The following EPHA3 variants were observed in gnomAD, a reference collection of about 807,000 sequenced individuals.
EPHA3 encodes the protein EPH receptor A3.
A neutral mutation model predicts 107.1 loss-of-function variants in EPHA3; 42 were observed. That is an observed-to-expected ratio of 0.39 (90% CI 0.31 to 0.51). The LOEUF is 0.51. EPHA3 is among the 20% of genes least tolerant of loss of function. The pLI is 0.78. For missense variants in EPHA3, 1,183 were observed against 1,211.2 expected, an observed-to-expected ratio of 0.98 and a Z score of 0.35; for synonymous variants, 461 against 424.8, an observed-to-expected ratio of 1.09 and a Z score of -1.05.
Position 89,341,842 on chromosome 3 carries a change from G to A in EPHA3, c.1058G>A (p.Gly353Asp), listed in dbSNP as rs2107419642. 1 of 1,613,882 alleles carries A rather than the reference G, an allele frequency of 6.2e-7. No individual in the cohort carries two copies. The highest frequency in any genetic ancestry group is 8.5e-7 in the Non-Finnish European group (1 of 1,179,976). ...TGGAGTTGGCCCCTGGACACAGGAG[G>A]CCGGAAAGATGTTACCTTCAACATC... The part of the protein sequence containing the change: ...LDWSWPLDTG[G>D]RKDVTFNIIC... The change falls in exon 5 of 17, where the codon GGC becomes GAC. Residue 353 changes from glycine (G) to aspartate (D), a missense_variant. By Grantham distance (94) the Gly-to-Asp change is moderately conservative (BLOSUM62 -1). Transcript: ENST00000336596.
chr3:89,311,114 T>A (rs1706755174), intron 3 of EPHA3, among the ~76,000 whole-genome samples: 1 of 152,088 alleles, frequency 6.6e-6, no homozygotes, highest in Non-Finnish European at 1.5e-5. Flanking sequence ...ATTTTACAAA[T>A]GGTTGCAGTT....
chr3:89,306,472 C>A (rs1706625280), intron 3 of EPHA3, among the ~76,000 whole-genome samples: 1 of 152,184 alleles, frequency 6.6e-6, no homozygotes, highest in African/African-American at 2.4e-5. Flanking sequence ...CAGTGGCTTT[C>A]AGAAAATTTA....
At chr3:89,426,283 G>A (rs1709454875) in intron 11 of EPHA3, among the ~76,000 whole-genome samples, 1 of 151,818 alleles carries the variant, frequency 6.6e-6, no homozygotes, top group East Asian at 1.9e-4. Flanking sequence ...CACATTTAAT[G>A]CATGTTGGAA....
chr3:89,291,560 G>T (rs1326718477), intron 3 of EPHA3, among the ~76,000 whole-genome samples: 3 of 152,092 alleles, frequency 2.0e-5, no homozygotes, highest in African/African-American at 7.2e-5. Context: ...GATGAAAAAA[G>T]ATAAGAGTTA....
intron 5 of EPHA3, among the ~76,000 whole-genome samples, chr3:89,368,422 G>C (rs949889211): frequency 6.6e-5 from 10 of 150,386 alleles, no homozygotes; most frequent in African/African-American, 2.4e-4. Context: ...CATAATTATG[G>C]AGGCCAGAAA....
chr3:89,214,660 A>G (rs755049095), intron 3 of EPHA3, among the ~76,000 whole-genome samples: 2 of 151,806 alleles, frequency 1.3e-5, no homozygotes, highest in African/African-American at 2.4e-5. Context: ...TATTTCCTCC[A>G]TTATCTTATT....
rs180780013 is a variant in EPHA3, at chr3:89,443,943, G to T, written c.2347-5282G>T. 2.5e-4 allele frequency among the ~76,000 whole-genome samples: 38 copies of T among 152,246 alleles called. No homozygotes were observed. The East Asian group carries it at 3.9e-3, about 16-fold the overall frequency. ...GGAAAAAAAGCCTCCCAAAAAGAAA[G>T]ACCATGTATTTGGGAAGATAGCATG... is the stretch of plus-strand genomic sequence containing the variant. On this transcript the variant is annotated intron_variant, in intron 13 of 16. Coordinates refer to ENST00000336596, the MANE Select transcript of EPHA3 (RefSeq NM_005233.6).
rs190801632 is a variant in EPHA3, at chr3:89,131,655, G to T, written c.153+4382G>T. Among the ~76,000 whole-genome samples the T allele has an allele frequency of 4.8e-4, 73 of 152,292 alleles. No individual in the cohort carries two copies. In the East Asian group the frequency reaches 0.012, roughly 24 times the overall value. Reference sequence around the variant, plus strand: ...TTAATTAAAGAAACTCCAATAAGAAGAGAGTGAGGACTGGCAGGGTTCAGG... The same window carrying T: ...TTAATTAAAGAAACTCCAATAAGAATAGAGTGAGGACTGGCAGGGTTCAGG... On this transcript the variant is annotated intron_variant, in intron 2 of 16. Coordinates refer to ENST00000336596, the MANE Select transcript of EPHA3 (RefSeq NM_005233.6).
chr3:89,121,798 T>C (rs1559740752), intron 1 of EPHA3, among the ~76,000 whole-genome samples: 2 of 150,700 alleles, frequency 1.3e-5, no homozygotes, highest in Admixed American at 6.6e-5. Flanking sequence ...AGAAAATAAA[T>C]ACAAACAGGA....
At chr3:89,320,115 T>C (rs1406224318) in intron 3 of EPHA3, among the ~76,000 whole-genome samples, 5 of 151,966 alleles carry the variant, frequency 3.3e-5, no homozygotes, top group African/African-American at 9.7e-5. Flanking sequence ...TCTTTAGTCA[T>C]TGCTAGTCAA....
At chr3:89,419,504 C>A in intron 11 of EPHA3, 114 bp downstream of exon 11, 4 of 863,962 alleles carry the variant, frequency 4.6e-6, no homozygotes, top group Non-Finnish European at 6.8e-6. Flanking sequence ...TCAGTTTTAC[C>A]AAAAAGAAAA....
intron 3 of EPHA3, among the ~76,000 whole-genome samples, chr3:89,278,650 C>A (rs1705868192): frequency 6.6e-6 from 1 of 152,054 alleles, no homozygotes; most frequent in African/African-American, 2.4e-5. Flanking sequence ...ACCACAGGTA[C>A]ACAAATTAGG....
chr3:89,379,932 T>TA (rs1382876016), intron 5 of EPHA3, among the ~76,000 whole-genome samples: 1 of 152,140 alleles, frequency 6.6e-6, no homozygotes, highest in Non-Finnish European at 1.5e-5. Context: ...TTTGCCCCCT[T>TA]AAAGGAAGGG....
chr3:89,243,417 T>C (rs62278164), intron 3 of EPHA3, among the ~76,000 whole-genome samples: 32,409 of 151,986 alleles, frequency 0.21, 3,777 homozygotes, highest in Non-Finnish European at 0.27. Context: ...CTAGCACCTG[T>C]TGTTTCCTGA....
intron 7 of EPHA3, among the ~76,000 whole-genome samples, chr3:89,403,798 A>G (rs895129718): frequency 1.3e-5 from 2 of 152,198 alleles, no homozygotes; most frequent in African/African-American, 4.8e-5. Flanking sequence ...CAGTTTTTCT[A>G]TCTGGAAATT....
chr3:89,216,600 A>G (rs1272862578), intron 3 of EPHA3, among the ~76,000 whole-genome samples: 1 of 152,164 alleles, frequency 6.6e-6, no homozygotes, highest in East Asian at 1.9e-4. Context: ...AAGGTGTTTT[A>G]TATGGATGAC....
chr3:89,351,948 A>G lies in EPHA3; in HGVS notation c.1306+9858A>G, dbSNP rs1003618458. On this transcript the variant is annotated intron_variant, in intron 5 of 16. Transcript: ENST00000336596. The stretch of plus-strand genomic sequence containing the variant: ...TGCAAAAAAAAAAAAAAAAGTGGAG[A>G]AGGAAGAAGACCAACACTTATTGAT... Among the ~76,000 whole-genome samples the G allele has an allele frequency of 1.6e-4, 24 of 149,856 alleles. 1 individual carries two copies. Among genetic ancestry groups the G allele is most frequent in the Non-Finnish European group, 2.7e-4 (18 of 67,216 alleles).
At chr3:89,130,085 T>C (rs1271775345) in intron 2 of EPHA3, among the ~76,000 whole-genome samples, 1 of 152,150 alleles carries the variant, frequency 6.6e-6, no homozygotes, top group African/African-American at 2.4e-5. Flanking sequence ...TTATTTTGCC[T>C]CGGTGGGATA....
intron 2 of EPHA3, among the ~76,000 whole-genome samples, chr3:89,183,362 T>C (rs954321143): frequency 5.3e-5 from 8 of 151,966 alleles, no homozygotes; most frequent in African/African-American, 1.9e-4. Flanking sequence ...TCCTGGATGG[T>C]GCTTTGGGTG....
Sources: gnomAD v4.1 joint callset for allele counts (sites outside exome capture counted in the v4.1 genomes callset) on GRCh38, gnomAD v4.1.1 for gene constraint, MANE v1.5 for transcripts, NCBI Gene and HGNC (gene_info 2026-07-23, HGNC 2026-07-21) for gene names.